Variants in PDE10A observed in about 807,000 individuals in gnomAD.
PDE10A encodes the protein cAMP and cAMP-inhibited cGMP 3',5'-cyclic phosphodiesterase 10A.
In PDE10A, 39 loss-of-function variants were observed where a neutral mutation model predicts 97.7. That is an observed-to-expected ratio of 0.40 (90% CI 0.31 to 0.52). The LOEUF (loss-of-function observed/expected upper bound fraction) is 0.52. Ranked by LOEUF, PDE10A falls within the 20% of genes least tolerant of loss-of-function variation. PDE10A has a pLI of 0.56. For missense variants in PDE10A, 731 were observed against 1,047.8 expected, an observed-to-expected ratio of 0.70 and a Z score of 4.17; for synonymous variants, 371 against 376.8, an observed-to-expected ratio of 0.98 and a Z score of 0.18.
intron 1 of PDE10A, among the ~76,000 whole-genome samples, chr6:165,882,761 G>GAA (rs59205560): frequency 1.4e-5 from 2 of 138,868 alleles, no homozygotes. Context: ...AGATCACTCA[G>GAA]AAAAAAAAAA....
chr6:165,925,454 A>T (rs2128489363), intron 1 of PDE10A, among the ~76,000 whole-genome samples: 1 of 152,308 alleles, frequency 6.6e-6, no homozygotes, highest in East Asian at 1.9e-4. Flanking sequence ...TCATAGCAGC[A>T]TTTCTTGTAA....
In PDE10A at chr6:165,663,174, G is replaced by A. The variant is rs1186656224; in HGVS notation, c.-363C>T. On this transcript the variant is annotated 5_prime_UTR_variant, in exon 1 of 22. Transcript: ENST00000539869. ...GCCTCGGCGGCTTCTCGAAAGCAGC[G>A]GAGAAAAGCGCCGCAGTGCCGCTGC... 1.3e-5 allele frequency among the ~76,000 whole-genome samples: 2 copies of A among 151,926 alleles called. No homozygotes were observed. Among genetic ancestry groups the A allele is most frequent in the East Asian group, 3.9e-4 (2 of 5,140 alleles).
At chr6:165,982,498 G>A (rs1455797552) in intron 1 of PDE10A, among the ~76,000 whole-genome samples, 1 of 152,216 alleles carries the variant, frequency 6.6e-6, no homozygotes, top group Non-Finnish European at 1.5e-5. Context: ...ACATTGGGGA[G>A]AGGGGAGAAT....
chr6:165,770,163 CAA>C (rs11442419), intron 1 of PDE10A, among the ~76,000 whole-genome samples: 18 of 127,872 alleles, frequency 1.4e-4, no homozygotes, highest in Non-Finnish European at 2.6e-4. Flanking sequence ...TGCAAAAGGG[CAA>C]AAAAAAAAAA....
chr6:165,610,494 G>A (rs1276940326), intron 1 of PDE10A, among the ~76,000 whole-genome samples: 4 of 145,328 alleles, frequency 2.8e-5, no homozygotes, highest in African/African-American at 7.8e-5. Flanking sequence ...TCGCGCCACT[G>A]CACTCCAGCC....
intron 1 of PDE10A, among the ~76,000 whole-genome samples, chr6:165,971,513 C>G (rs921685026): frequency 6.6e-6 from 1 of 152,178 alleles, no homozygotes; most frequent in Non-Finnish European, 1.5e-5. Context: ...TCTTTGCACA[C>G]AGGAAACATG....
At chr6:165,822,613 C>G (rs1779605855) in intron 1 of PDE10A, among the ~76,000 whole-genome samples, 1 of 139,726 alleles carries the variant, frequency 7.2e-6, no homozygotes, top group South Asian at 2.2e-4. Flanking sequence ...AGGGTATAAG[C>G]TTAAAAAAAA....
In PDE10A at chr6:165,671,659, C is replaced by T. The variant is rs1790650296; in HGVS notation, c.-614-128091G>A. Among the ~76,000 whole-genome samples the T allele has an allele frequency of 6.6e-6, 1 of 152,146 alleles. No individual in the cohort carries two copies. The highest frequency in any genetic ancestry group is 6.6e-5 in the Admixed American group (1 of 15,266). On this transcript the variant is annotated intron_variant, in intron 1 of 19. Transcript: ENST00000366882. This position sits in a 1 kb window ranked among gnomAD's most constrained non-coding sequence, Gnocchi z 4.6. ...AGGCTCGTTTTATAGATTTCACACA[C>T]ATGGATTATAAAACGGATGAAAAGC...
chr6:165,611,455 T>C (rs1484311945), intron 1 of PDE10A, among the ~76,000 whole-genome samples: 2 of 152,144 alleles, frequency 1.3e-5, no homozygotes, highest in Non-Finnish European at 2.9e-5. Flanking sequence ...CAGACCTCAA[T>C]GAGTGGATAC....
chr6:165,613,065 T>A, intron 1 of PDE10A, among the ~76,000 whole-genome samples: 1 of 152,236 alleles, frequency 6.6e-6, no homozygotes, highest in East Asian at 1.9e-4. Flanking sequence ...TTATTTTTTA[T>A]TTTAACCAAT....
chr6:165,826,536 CCTCTGTCCCCGTCTCT>C (rs1464668288), intron 1 of PDE10A, among the ~76,000 whole-genome samples: 6 of 150,868 alleles, frequency 4.0e-5, no homozygotes, highest in Non-Finnish European at 8.9e-5. Context: ...CCCCTGTGTC[CCTCTGTCCCCGTCTCT>C]CTCTCTCCCA....
chr6:165,452,193 C>T (rs545106573), intron 3 of PDE10A, among the ~76,000 whole-genome samples: 1 of 152,272 alleles, frequency 6.6e-6, no homozygotes, highest in East Asian at 1.9e-4. Flanking sequence ...TGGCTGGGTT[C>T]CTTGAATTCA....
At chr6:165,874,524 T>C (rs1781283757) in intron 1 of PDE10A, among the ~76,000 whole-genome samples, 1 of 152,234 alleles carries the variant, frequency 6.6e-6, no homozygotes, top group African/African-American at 2.4e-5. Flanking sequence ...ACTAGGTTTG[T>C]TTAAAATATT....
chr6:165,642,806 G>C (rs752376634), intron 1 of PDE10A, among the ~76,000 whole-genome samples: 1 of 152,154 alleles, frequency 6.6e-6, no homozygotes, highest in Non-Finnish European at 1.5e-5. Flanking sequence ...GCTCTCTTGC[G>C]GCATACCTGC....
rs544317485 is a variant in PDE10A at position 165,518,078 on chromosome 6, T to C, written c.994+25362A>G. Among the ~76,000 whole-genome samples the C allele has an allele frequency of 8.5e-5, 13 of 152,328 alleles. No homozygotes were observed. In the Middle Eastern group the frequency reaches 0.01, roughly 120 times the overall value. ...CAAATTCAATTTTAAAGTTGTCTGA[T>C]TCCAAAGCCTGAACAAAATATTTTG... On this transcript the variant is annotated intron_variant, in intron 2 of 21. Transcript: ENST00000539869.
At chr6:165,762,691 T>A (rs1793280087) in intron 1 of PDE10A, among the ~76,000 whole-genome samples, 1 of 146,810 alleles carries the variant, frequency 6.8e-6, no homozygotes. Context: ...AAATTTTGTC[T>A]ACTTTTCTTT....
At chr6:165,372,472 T>C (rs1170576180) in intron 18 of PDE10A, among the ~76,000 whole-genome samples, 1 of 119,126 alleles carries the variant, frequency 8.4e-6, no homozygotes, top group Non-Finnish European at 1.7e-5. Context: ...TGAACTCCCA[T>C]TCACAGTTGC....
At chr6:165,505,022 C>T (rs1208029559) in intron 2 of PDE10A, among the ~76,000 whole-genome samples, 13 of 152,164 alleles carry the variant, frequency 8.5e-5, no homozygotes, top group Admixed American at 8.5e-4. Context: ...TTCCTATAGA[C>T]AAGGAGCAAC....
intron 10 of PDE10A, among the ~76,000 whole-genome samples, chr6:165,422,166 A>G (rs1419416421): frequency 6.6e-6 from 1 of 152,200 alleles, no homozygotes; most frequent in Admixed American, 6.5e-5. Flanking sequence ...AATGACCCTC[A>G]GATGCTGAAA....
Sources: allele counts gnomAD v4.1 joint callset (sites outside exome capture counted in the v4.1 genomes callset), GRCh38; gene constraint gnomAD v4.1.1; non-coding constraint Gnocchi (gnomAD v3.1); transcripts MANE v1.5; gene names NCBI Gene and HGNC (gene_info 2026-07-23, HGNC 2026-07-21).